The following ARHGEF4 variants were observed in gnomAD, a reference collection of about 807,000 sequenced individuals.
ARHGEF4 encodes Rho guanine nucleotide exchange factor 4, also known as APC-stimulated guanine nucleotide exchange factor 1.
Under a neutral mutation model 162.0 loss-of-function variants are expected in ARHGEF4, and 119 were observed. The ratio of observed to expected loss-of-function variants is 0.73; its 90% CI spans 0.63 to 0.86. The LOEUF (loss-of-function observed/expected upper bound fraction) is 0.86, where lower values mean the gene tolerates loss of function less well. Among genes scored for constraint, ARHGEF4 ranks in the 40% least tolerant of loss-of-function variants. ARHGEF4 has a pLI of 0.00. For missense variants in ARHGEF4, 2,488 were observed against 2,456.0 expected, an observed-to-expected ratio of 1.01 and a Z score of -0.28; for synonymous variants, 1,014 against 979.9, an observed-to-expected ratio of 1.03 and a Z score of -0.65.
intron 2 of ARHGEF4, among the ~76,000 whole-genome samples, chr2:130,922,532 T>C (rs1681938417): frequency 1.3e-5 from 2 of 152,126 alleles, no homozygotes. Context: ...CAAATGTTGT[T>C]TATCAGGAAT....
chr2:130,876,359 G>T (rs1276376497), intron 1 of ARHGEF4, among the ~76,000 whole-genome samples: 1 of 152,178 alleles, frequency 6.6e-6, no homozygotes, highest in Non-Finnish European at 1.5e-5. Context: ...CTTTCTGTGG[G>T]ACTGACTGTG....
intron 2 of ARHGEF4, among the ~76,000 whole-genome samples, chr2:130,924,103 G>A (rs1238098036): frequency 2.6e-5 from 4 of 151,582 alleles, no homozygotes; most frequent in Admixed American, 6.6e-5. Flanking sequence ...GGATGGTCTC[G>A]ATCTCCTGAC....
At chr2:131,037,096 AG>A (rs1455060274) in intron 5 of ARHGEF4, among the ~76,000 whole-genome samples, 1 of 152,124 alleles carries the variant, frequency 6.6e-6, no homozygotes, top group African/African-American at 2.4e-5. Context: ...GGAATAACCC[AG>A]GGCTCTGTGC....
rs1207540572 is a variant in ARHGEF4 at position 130,988,190 on chromosome 2, G to A, written c.3986-39755G>A. Among the ~76,000 whole-genome samples the A allele has an allele frequency of 3.3e-5, 5 of 152,210 alleles. No homozygotes were observed. In the East Asian group the frequency reaches 7.7e-4, roughly 23 times the overall value. ...TGGACAGGTGGCTCTGTCGGTGCCC[G>A]GTGAGTGCCCTGGGAGTCTGGCAGT... On this transcript the variant is annotated intron_variant, in intron 4 of 13. Coordinates refer to ENST00000409359, the MANE Select transcript of ARHGEF4 (RefSeq NM_001367493.1).
At chr2:131,002,194 T>TTTAAAAA (rs1306900290) in intron 4 of ARHGEF4, among the ~76,000 whole-genome samples, 1 of 152,186 alleles carries the variant, frequency 6.6e-6, no homozygotes, top group African/African-American at 2.4e-5. Flanking sequence ...CTTTAAAATG[T>TTTAAAAA]TTAAAAATTT....
chr2:130,990,542 A>G (rs1276269990), intron 4 of ARHGEF4, among the ~76,000 whole-genome samples: 1 of 152,130 alleles, frequency 6.6e-6, no homozygotes, highest in African/African-American at 2.4e-5. Flanking sequence ...ATAAAACCCT[A>G]GTTATGCTGA....
At chr2:130,848,768 C>A (rs1405721688) in intron 1 of ARHGEF4, among the ~76,000 whole-genome samples, 1 of 152,146 alleles carries the variant, frequency 6.6e-6, no homozygotes, top group Non-Finnish European at 1.5e-5. Flanking sequence ...CCCGAGGGGA[C>A]ATGCTTGGTT....
At chr2:130,951,203 C>T (rs993015987) in intron 4 of ARHGEF4, among the ~76,000 whole-genome samples, 1 of 152,220 alleles carries the variant, frequency 6.6e-6, no homozygotes, top group Non-Finnish European at 1.5e-5. Context: ...TATTCATGTG[C>T]TAACTGGAGT....
At position 131,046,392 on chromosome 2, in the gene ARHGEF4, AG is replaced by A; in HGVS notation, c.*208del. 2 of 604,718 alleles carry A rather than the reference AG, an allele frequency of 3.3e-6. No individual in the cohort carries two copies. The highest frequency in any genetic ancestry group is 5.7e-6 in the Non-Finnish European group (2 of 349,376). 37.5% of individuals were successfully genotyped at this position (604,718 alleles called of 1,614,324 possible). A position where few individuals can be genotyped will look rare whatever the true frequency, so the allele number is the denominator to read the frequency against. On this transcript the variant is annotated 3_prime_UTR_variant, in exon 14 of 14. Transcript: ENST00000409359. ...TCCTGGTGCCCTGAAGAGACCAGCA[AG>A]GGGGCAGACCCCGCACTCGCCACAC... is the stretch of plus-strand genomic sequence containing the variant.
chr2:130,961,938 G>A (rs937473269), intron 4 of ARHGEF4, among the ~76,000 whole-genome samples: 3 of 152,056 alleles, frequency 2.0e-5, no homozygotes, highest in African/African-American at 4.8e-5. Context: ...CTCTTCCCAA[G>A]GACAAGAAAG....
intron 4 of ARHGEF4, among the ~76,000 whole-genome samples, chr2:130,948,464 A>T (rs893954444): frequency 1.3e-5 from 2 of 152,238 alleles, no homozygotes; most frequent in African/African-American, 4.8e-5. Flanking sequence ...AGGGACAGTA[A>T]CCAGGGAGAG....
chr2:130,844,828 A>G (rs753990066), intron 1 of ARHGEF4, among the ~76,000 whole-genome samples: 13 of 151,752 alleles, frequency 8.6e-5, no homozygotes, highest in Admixed American at 2.0e-4. Flanking sequence ...ATATATGTAT[A>G]TATATATATT....
Position 130,914,031 on chromosome 2 carries a change from G to C in ARHGEF4, c.85G>C (p.Asp29His), listed in dbSNP as rs1292460164. ...AHLPGEGEIE[D>H]NQLPTSPAEQ... ...CCTGCCAGGTGAAGGTGAGATTGAA[G>C]ATAACCAGCTCCCCACATCCCCTGC... is the stretch of plus-strand genomic sequence containing the variant. The change falls in exon 2 of 14, where the codon GAT becomes CAT. Residue 29 changes from aspartate (D) to histidine (H), a missense_variant. Physicochemically the swap from Asp to His is moderately conservative, Grantham distance 81 (BLOSUM62 -1). Around this residue, in one of 6 missense-constraint regions of ARHGEF4, gnomAD observed 171 missense variants for 169.4 expected, o/e 1.01. Coordinates refer to ENST00000409359, the MANE Select transcript of ARHGEF4 (RefSeq NM_001367493.1). The C allele has an allele frequency of 2.0e-6, 3 of 1,536,168 alleles. No homozygotes were observed. The highest frequency in any genetic ancestry group is 2.6e-6 in the Non-Finnish European group (3 of 1,146,916).
chr2:130,875,420 G>A, intron 1 of ARHGEF4, among the ~76,000 whole-genome samples: 1 of 152,134 alleles, frequency 6.6e-6, no homozygotes, highest in South Asian at 2.1e-4. Flanking sequence ...GGTTCTGGAG[G>A]CTGGGAAGTG....
intron 3 of ARHGEF4, among the ~76,000 whole-genome samples, chr2:130,937,154 T>TCC (rs56342749): frequency 1.3e-5 from 2 of 151,736 alleles, no homozygotes; most frequent in African/African-American, 2.4e-5. Context: ...CAGGTGATCT[T>TCC]CCCCCCTCGG....
In ARHGEF4 at chr2:131,014,505, G is replaced by A. The variant is rs77082914; in HGVS notation, c.3986-13440G>A. 2.9e-3 allele frequency among the ~76,000 whole-genome samples: 443 copies of A among 152,298 alleles called. 4 individuals carry two copies. Among genetic ancestry groups the A allele is most frequent in the African/African-American group, 9.1e-3 (380 of 41,560 alleles). The stretch of plus-strand genomic sequence containing the variant: ...ATTAAACCTATGCATCCATTTGGAA[G>A]CAACTGAAATCTTTATCCAGTTGAG... On this transcript the variant is annotated intron_variant, in intron 4 of 13. Coordinates refer to ENST00000409359, the MANE Select transcript of ARHGEF4 (RefSeq NM_001367493.1).
At chr2:130,955,510 A>T (rs1684211940) in intron 4 of ARHGEF4, among the ~76,000 whole-genome samples, 1 of 152,116 alleles carries the variant, frequency 6.6e-6, no homozygotes, top group African/African-American at 2.4e-5. Context: ...TAAGCTTCTG[A>T]TGTTGCTCCT....
intron 1 of ARHGEF4, among the ~76,000 whole-genome samples, chr2:130,854,562 T>G (rs888485127): frequency 2.6e-5 from 4 of 152,164 alleles, no homozygotes; most frequent in South Asian, 2.1e-4. Context: ...TGCTGAGAAG[T>G]CTGGGGATCA....
At chr2:130,865,371 A>G (rs1215270012) in intron 1 of ARHGEF4, among the ~76,000 whole-genome samples, 2 of 152,214 alleles carry the variant, frequency 1.3e-5, no homozygotes, top group Non-Finnish European at 2.9e-5. Flanking sequence ...CATGCCTTGT[A>G]TTAAATGGAA....
Sources: gnomAD v4.1 joint callset for allele counts (sites outside exome capture counted in the v4.1 genomes callset) on GRCh38, gnomAD v4.1.1 for gene constraint, gnomAD v4.1.1 regional missense constraint, MANE v1.5 for transcripts, NCBI Gene and HGNC (gene_info 2026-07-23, HGNC 2026-07-21) for gene names.